The following PCDH11X variants were observed in gnomAD, a reference collection of about 807,000 sequenced individuals.
PCDH11X encodes the protein protocadherin-11 X-linked.
Under a neutral mutation model 53.3 loss-of-function variants are expected in PCDH11X, and 18 were observed. The ratio of observed to expected loss-of-function variants is 0.34; its 90% CI spans 0.23 to 0.50. The LOEUF (loss-of-function observed/expected upper bound fraction) is 0.50, where lower values mean the gene tolerates loss of function less well. Ranked by LOEUF, PCDH11X falls within the 20% of genes least tolerant of loss-of-function variation. The pLI is 0.98. For synonymous variants in PCDH11X, 279 were observed against 393.3 expected, an observed-to-expected ratio of 0.71 and a Z score of 3.44; for missense variants, 570 against 1,032.4, an observed-to-expected ratio of 0.55 and a Z score of 6.14.
chrX:91,899,408 G>A (rs1247034778), intron 6 of PCDH11X, among the ~76,000 whole-genome samples: 1 of 110,825 alleles, frequency 9.0e-6, no homozygotes, highest in Non-Finnish European at 1.9e-5. Flanking sequence ...TTGAGGGTGG[G>A]TCTGCCTTTC....
chrX:92,146,306 T>G (rs1324174321), intron 6 of PCDH11X, among the ~76,000 whole-genome samples: 5 of 111,034 alleles, frequency 4.5e-5, no homozygotes, highest in Non-Finnish European at 7.5e-5. Context: ...AACTGGAAAC[T>G]TGTGCTGTTG....
At chrX:92,470,866 G>C (rs1254254278) in intron 10 of PCDH11X, among the ~76,000 whole-genome samples, 2 of 109,404 alleles carry the variant, frequency 1.8e-5, no homozygotes, top group Non-Finnish European at 3.8e-5. Context: ...TTTTGTTGAA[G>C]ATTTTTGCAT....
At chrX:92,528,366 T>C (rs2074494851) in intron 10 of PCDH11X, among the ~76,000 whole-genome samples, 2 of 109,222 alleles carry the variant, frequency 1.8e-5, no homozygotes, top group Non-Finnish European at 3.8e-5. Context: ...AATTTTGGCT[T>C]ACCGCAACCT....
intron 10 of PCDH11X, among the ~76,000 whole-genome samples, chrX:92,550,547 A>G: frequency 9.1e-6 from 1 of 109,832 alleles, no homozygotes; most frequent in Middle Eastern, 4.7e-3. Context: ...AGAATGGGCT[A>G]CCCATCTCCT....
intron 6 of PCDH11X, among the ~76,000 whole-genome samples, chrX:92,187,094 G>A (rs1034863716): frequency 7.2e-5 from 8 of 111,631 alleles, no homozygotes; most frequent in African/African-American, 2.6e-4. Context: ...CAAACCTAGT[G>A]GCTTAAAACA....
rs573140053 is a variant in PCDH11X at position 92,148,664 on chromosome X, C to T, written c.3034-52711C>T. 2.2e-4 allele frequency among the ~76,000 whole-genome samples: 24 copies of T among 109,490 alleles called. No individual in the cohort carries two copies. The South Asian group carries it at 9.5e-3, about 43-fold the overall frequency. ...TATTTTGTTTAAAATACTTGCTCCT[C>T]AGCCACTTAACTTTTTTTTTCTTTA... On this transcript the variant is annotated intron_variant, in intron 6 of 10. Transcript: ENST00000682573.
intron 6 of PCDH11X, chrX:91,982,889 A>G: frequency 2.2e-6 from 2 of 918,438 alleles, no homozygotes; most frequent in Non-Finnish European, 3.2e-6. Context: ...TGAGATTGAC[A>G]GCAGTCTCCA....
intron 7 of PCDH11X, among the ~76,000 whole-genome samples, chrX:92,239,819 G>T (rs187197078): frequency 2.8e-4 from 31 of 111,656 alleles, no homozygotes; most frequent in Admixed American, 4.8e-4. Flanking sequence ...TGGGATGTAG[G>T]ATCCTTTATT....
rs2069063069 is a variant in PCDH11X at position 92,315,818 on chromosome X, G to A, written c.3144+52675G>A. ...CCCAAAGTGCTGGGATTACAGGGGT[G>A]AGCCACCACCCCTGGCCTGAATTAT... is the stretch of plus-strand genomic sequence containing the variant. On this transcript the variant is annotated intron_variant, in intron 8 of 10. Coordinates refer to ENST00000682573, the MANE Select transcript of PCDH11X (RefSeq NM_032968.5). 3.6e-5 allele frequency among the ~76,000 whole-genome samples: 4 copies of A among 109,860 alleles called. No homozygotes were observed. In the South Asian group the frequency reaches 1.2e-3, roughly 33 times the overall value.
chrX:92,015,035 T>C (rs1385325738), intron 6 of PCDH11X, among the ~76,000 whole-genome samples: 1 of 111,169 alleles, frequency 9.0e-6, no homozygotes, highest in African/African-American at 3.3e-5. Flanking sequence ...TAAAGTATAA[T>C]AAAAATAAAT....
chrX:92,249,113 A>G (rs1351821388), intron 7 of PCDH11X, among the ~76,000 whole-genome samples: 6 of 110,352 alleles, frequency 5.4e-5, no homozygotes, highest in East Asian at 5.7e-4. Flanking sequence ...ATATGTATGT[A>G]TATATATATA....
At chrX:92,053,890 T>A (rs1254675444) in intron 6 of PCDH11X, among the ~76,000 whole-genome samples, 2 of 112,045 alleles carry the variant, frequency 1.8e-5, no homozygotes, top group Non-Finnish European at 3.8e-5. Context: ...TTTTTAAATG[T>A]CAGGTTGAGT....
chrX:91,918,449 C>A (rs1416379447), intron 6 of PCDH11X, among the ~76,000 whole-genome samples: 3 of 108,738 alleles, frequency 2.8e-5, no homozygotes, highest in African/African-American at 1.0e-4. Context: ...ATTTTTCCAA[C>A]ACAGTGTATA....
chrX:92,559,680 T>A (rs1317971286), intron 10 of PCDH11X, among the ~76,000 whole-genome samples: 1 of 110,706 alleles, frequency 9.0e-6, no homozygotes, highest in Non-Finnish European at 1.9e-5. Flanking sequence ...GACTTTACAT[T>A]GAACTTAGTC....
intron 8 of PCDH11X, among the ~76,000 whole-genome samples, chrX:92,361,581 A>C (rs2070347173): frequency 9.0e-6 from 1 of 110,778 alleles, no homozygotes; most frequent in Non-Finnish European, 1.9e-5. Flanking sequence ...TTTTTTTACT[A>C]TCCCCGTTTT....
intron 10 of PCDH11X, among the ~76,000 whole-genome samples, chrX:92,567,058 G>T (rs2148768886): frequency 1.0e-5 from 1 of 100,419 alleles, no homozygotes; most frequent in South Asian, 4.8e-4. Flanking sequence ...CAGATAGCAT[G>T]ATGCCTCCAG....
intron 6 of PCDH11X, among the ~76,000 whole-genome samples, chrX:92,100,812 G>A (rs757435838): frequency 9.0e-6 from 1 of 110,950 alleles, no homozygotes; most frequent in African/African-American, 3.3e-5. Flanking sequence ...GCTTCAAGCG[G>A]GATCAGGGGC....
At chrX:92,435,949 G>T (rs1340942216) in intron 9 of PCDH11X, among the ~76,000 whole-genome samples, 1 of 108,964 alleles carries the variant, frequency 9.2e-6, no homozygotes, top group Admixed American at 9.9e-5. Context: ...TACCAACATT[G>T]AATGTAAATT....
intron 10 of PCDH11X, among the ~76,000 whole-genome samples, chrX:92,483,727 T>C (rs1017639511): frequency 1.9e-5 from 2 of 103,655 alleles, no homozygotes; most frequent in East Asian, 3.0e-4. Context: ...CGATGTGTTA[T>C]AAATTATGTA....
Sources: allele counts gnomAD v4.1 joint callset (sites outside exome capture counted in the v4.1 genomes callset), GRCh38; gene constraint gnomAD v4.1.1; transcripts MANE v1.5; gene names NCBI Gene and HGNC (gene_info 2026-07-23, HGNC 2026-07-21).